Variants in CD33 observed in about 807,000 individuals in gnomAD.
The protein encoded by CD33 is myeloid cell surface antigen CD33.
CD33 carries 25 observed loss-of-function variants against 31.4 expected under a neutral mutation model. That is an observed-to-expected ratio of 0.80 (90% CI 0.58 to 1.11). CD33 has a LOEUF of 1.11. CD33 is among the 50% of genes most tolerant of loss of function. The pLI is 0.00. For missense variants in CD33, 407 were observed against 448.1 expected (o/e 0.91, Z 0.83); for synonymous variants, 176 against 180.6 (o/e 0.97, Z 0.20).
At position 51,226,073 on chromosome 19, in the gene CD33, A is replaced by G; in HGVS notation, c.689A>G (p.Asn230Ser). ...ACTACGGAGAGAACCATCCAGCTCA[A>G]CGTCACCTGTAAGTGCTGGGCCAGG... ...GVTTERTIQL[N>S]VTYVPQNPTT... The change falls in exon 3 of 7, where the codon AAC (asparagine) becomes AGC (serine). Residue 230 changes from asparagine (N) to serine (S), a missense_variant. Coordinates refer to ENST00000262262, the MANE Select transcript of CD33 (RefSeq NM_001772.4). 2 of 1,613,960 alleles carry G rather than the reference A, an allele frequency of 1.2e-6. No homozygotes were observed. The highest frequency in any genetic ancestry group is 2.2e-5 in the South Asian group (2 of 91,080).
upstream of CD33, among the ~76,000 whole-genome samples, chr19:51,222,687 C>T (rs1980741069): frequency 6.6e-6 from 1 of 152,000 alleles, no homozygotes; most frequent in South Asian, 2.1e-4. Context: ...AGTGGTTGCC[C>T]AGCATAGAAG....
chr19:51,214,275 T>C, the CD33 span, among the ~76,000 whole-genome samples: 1 of 149,266 alleles, frequency 6.7e-6, no homozygotes, highest in Admixed American at 6.7e-5. Context: ...CTCAGCTTAC[T>C]GCAACCTCTG....
At chr19:51,229,735 C>T (rs2123234123) in intron 4 of CD33, among the ~76,000 whole-genome samples, 1 of 152,076 alleles carries the variant, frequency 6.6e-6, no homozygotes, top group African/African-American at 2.4e-5. Context: ...ACCATTGTGA[C>T]ATCTTCTTTT....
At chr19:51,216,599 T>G in the CD33 span, among the ~76,000 whole-genome samples, 1 of 151,004 alleles carries the variant, frequency 6.6e-6, no homozygotes, top group Non-Finnish European at 1.5e-5. Flanking sequence ...TCCCAGCTAC[T>G]CGGGAAGCTG....
At chr19:51,229,847 G>T (rs1054821622) in intron 4 of CD33, among the ~76,000 whole-genome samples, 1 of 151,166 alleles carries the variant, frequency 6.6e-6, no homozygotes, top group African/African-American at 2.4e-5. Flanking sequence ...CTTGTTCATT[G>T]ATTTTTTTTT....
In CD33 at chr19:51,225,275, A is replaced by G. The variant is rs1339188502; in HGVS notation, c.95A>G (p.Gln32Arg). 1 of 1,614,150 alleles carries G rather than the reference A, an allele frequency of 6.2e-7. No individual in the cohort carries two copies. Among genetic ancestry groups the G allele is most frequent in the Non-Finnish European group, 8.5e-7 (1 of 1,180,008 alleles). ...WLQVQESVTV[Q>R]EGLCVLVPCT... ...CAAGTGCAGGAGTCAGTGACGGTAC[A>G]GGAGGGTTTGTGCGTCCTCGTGCCC... The change falls in exon 2 of 7, where the codon CAG (glutamine) becomes CGG (arginine). Residue 32 changes from glutamine to arginine, a missense_variant. Physicochemically the swap from Gln to Arg is conservative, Grantham distance 43 (BLOSUM62 1). Coordinates refer to ENST00000262262, the MANE Select transcript of CD33 (RefSeq NM_001772.4).
intron 4 of CD33, among the ~76,000 whole-genome samples, chr19:51,226,728 A>G (rs1568432688): frequency 1.3e-5 from 2 of 152,132 alleles, no homozygotes; most frequent in Admixed American, 6.5e-5. Flanking sequence ...TGTTGGGAAC[A>G]TTCAATATCC....
upstream of CD33, chr19:51,225,042 G>A (rs375669682): frequency 8.3e-6 from 13 of 1,574,326 alleles, no homozygotes; most frequent in African/African-American, 4.1e-5. Context: ...CTTCCTGTCC[G>A]GCCCTGTAGT....
chr19:51,231,158 C>T (rs1296286250), intron 4 of CD33, among the ~76,000 whole-genome samples: 2 of 152,240 alleles, frequency 1.3e-5, no homozygotes, highest in Non-Finnish European at 2.9e-5. Flanking sequence ...ATGCTTGATG[C>T]ACCGCTACCT....
chr19:51,227,173 T>C (rs1040040783), intron 4 of CD33, among the ~76,000 whole-genome samples: 10 of 152,186 alleles, frequency 6.6e-5, no homozygotes, highest in African/African-American at 2.4e-4. Flanking sequence ...AATGCTGCAA[T>C]AAACATTGAG....
chr19:51,222,975 A>G (rs968719959), upstream of CD33, among the ~76,000 whole-genome samples: 2 of 152,178 alleles, frequency 1.3e-5, no homozygotes, highest in African/African-American at 4.8e-5. Flanking sequence ...AGCACTTTGG[A>G]GGTCGAGGTG....
chr19:51,237,122 G>A (rs1599876122), intron 6 of CD33: 1 of 152,112 alleles, frequency 6.6e-6, no homozygotes. Context: ...ATGCCTAATA[G>A]CTACCTGCCC....
upstream of CD33, among the ~76,000 whole-genome samples, chr19:51,220,527 A>T (rs1980637759): frequency 6.6e-6 from 1 of 152,056 alleles, no homozygotes; most frequent in African/African-American, 2.4e-5. Context: ...TGTGTATATC[A>T]CATCTCCCTC....
chr19:51,219,158 G>A, the CD33 span, among the ~76,000 whole-genome samples: 10 of 152,162 alleles, frequency 6.6e-5, no homozygotes, highest in South Asian at 4.2e-4. Flanking sequence ...CCATGAGCAC[G>A]GGATGCTCCA....
chr19:51,227,757 T>C (rs762140552), intron 4 of CD33, among the ~76,000 whole-genome samples: 30 of 152,184 alleles, frequency 2.0e-4, no homozygotes, highest in Admixed American at 5.9e-4. Context: ...CTTTTGTTGC[T>C]TGTGCTAGTG....
chr19:51,226,688 C>T (rs912882449), intron 4 of CD33, among the ~76,000 whole-genome samples: 1 of 152,062 alleles, frequency 6.6e-6, no homozygotes, highest in African/African-American at 2.4e-5. Flanking sequence ...ATAGCATATC[C>T]ATCATCTTGA....
chr19:51,235,931 G>T, intron 6 of CD33: 2 of 699,250 alleles, frequency 2.9e-6, no homozygotes, highest in Admixed American at 4.0e-5. Context: ...GGCCAAGGCG[G>T]GCGGATCACG....
At chr19:51,222,744 G>C (rs1980744809), upstream of CD33, among the ~76,000 whole-genome samples, 1 of 152,204 alleles carries the variant, frequency 6.6e-6, no homozygotes. Context: ...TATATCTGCA[G>C]TGTGGTGAGT....
At chr19:51,225,037 T>A (rs1980880240), upstream of CD33, 2 of 1,562,290 alleles carry the variant, frequency 1.3e-6, no homozygotes, top group Non-Finnish European at 1.7e-6. Context: ...CCCAGCTTCC[T>A]GTCCGGCCCT....
Sources: allele counts gnomAD v4.1 joint callset (sites outside exome capture counted in the v4.1 genomes callset), GRCh38; gene constraint gnomAD v4.1.1; transcripts MANE v1.5; gene names NCBI Gene and HGNC (gene_info 2026-07-23, HGNC 2026-07-21).